Variants in ZBTB20 observed in about 807,000 individuals in gnomAD.
ZBTB20 encodes the protein zinc finger and BTB domain containing 20, also known as zinc finger and BTB domain-containing protein 20.
A neutral mutation model predicts 56.9 loss-of-function variants in ZBTB20; 9 were observed. The observed-to-expected ratio is 0.16, with a 90% CI of 0.10 to 0.28. The LOEUF is 0.28. Among genes scored for constraint, ZBTB20 ranks in the 10% least tolerant of loss-of-function variants. The probability of loss-of-function intolerance (pLI) is 1.00; values close to 1 mark genes in which losing one functional copy is unlikely to be tolerated. For synonymous variants in ZBTB20, 417 were observed against 420.7 expected, an observed-to-expected ratio of 0.99 and a Z score of 0.11; for missense variants, 655 against 1,003.0, an observed-to-expected ratio of 0.65 and a Z score of 4.69.
chr3:115,096,794 T>C (rs913990869), intron 1 of ZBTB20, among the ~76,000 whole-genome samples: 3 of 152,238 alleles, frequency 2.0e-5, no homozygotes, highest in African/African-American at 4.8e-5. Flanking sequence ...CCAGAACATG[T>C]GTAGATAATC....
intron 5 of ZBTB20, among the ~76,000 whole-genome samples, chr3:114,790,807 T>A (rs1349820629): frequency 6.6e-6 from 1 of 151,734 alleles, no homozygotes; most frequent in Non-Finnish European, 1.5e-5. Flanking sequence ...GAGAAACTTC[T>A]CAGAGAATTT....
intron 6 of ZBTB20, among the ~76,000 whole-genome samples, chr3:114,684,121 TA>T (rs2062169895): frequency 6.6e-6 from 1 of 152,222 alleles, no homozygotes; most frequent in Non-Finnish European, 1.5e-5. Flanking sequence ...ATGTTGTTAA[TA>T]GGCTTAACTG....
intron 5 of ZBTB20, among the ~76,000 whole-genome samples, chr3:114,743,201 A>G (rs2066754090): frequency 6.6e-6 from 1 of 152,166 alleles, no homozygotes. Context: ...GGAAGTATAA[A>G]GCTGGCCTTA....
intron 6 of ZBTB20, among the ~76,000 whole-genome samples, chr3:114,569,694 G>A (rs981471020): frequency 3.9e-5 from 6 of 152,098 alleles, no homozygotes; most frequent in African/African-American, 1.2e-4. Flanking sequence ...TTTTGAGTTG[G>A]CTCCTTTATG....
chr3:114,605,471 G>A (rs1438353386), intron 6 of ZBTB20, among the ~76,000 whole-genome samples: 1 of 152,162 alleles, frequency 6.6e-6, no homozygotes, highest in East Asian at 1.9e-4. Context: ...TAGGTAAGTA[G>A]GGAGTATTCA....
At chr3:114,967,770 A>G (rs2077706014) in intron 3 of ZBTB20, among the ~76,000 whole-genome samples, 1 of 152,130 alleles carries the variant, frequency 6.6e-6, no homozygotes, top group Non-Finnish European at 1.5e-5. Flanking sequence ...CAGCCTGGCC[A>G]ATGTGGTGAA....
In ZBTB20 at chr3:114,380,497, T is replaced by C. The variant is rs1458085494; in HGVS notation, c.12-93A>G. On this transcript the variant is annotated intron_variant, in intron 9 of 11. Coordinates refer to ENST00000675478, the MANE Select transcript of ZBTB20 (RefSeq NM_001348800.3). ...TGTTAAAGATAACTTGATTTTTTTT[T>C]TCTGAAGGGGGATGGGAGGGAGTCC... 9.3e-6 allele frequency: 13 copies of C among 1,403,652 alleles called. No homozygotes were observed. The Middle Eastern group carries it at 1.9e-3, about 207-fold the overall frequency. 86.9% of individuals were successfully genotyped at this position (1,403,652 alleles called of 1,614,324 possible).
chr3:114,581,964 CAATT>C (rs1025040355), intron 6 of ZBTB20: 14 of 152,070 alleles, frequency 9.2e-5, no homozygotes, highest in African/African-American at 2.4e-4. Context: ...GATTGGGAAA[CAATT>C]AAAATAATGT....
At chr3:114,735,024 C>CTTT (rs113322039) in intron 5 of ZBTB20, among the ~76,000 whole-genome samples, 1 of 144,744 alleles carries the variant, frequency 6.9e-6, no homozygotes, top group African/African-American at 2.5e-5. Flanking sequence ...GGGAATAGTT[C>CTTT]TTTTTTTTTT....
chr3:114,648,642 A>G (rs537089258), intron 6 of ZBTB20, among the ~76,000 whole-genome samples: 9 of 152,230 alleles, frequency 5.9e-5, no homozygotes, highest in African/African-American at 1.9e-4. Flanking sequence ...CTAGAAGAAT[A>G]AGAGTATAAC....
At chr3:114,419,132 ATGT>A (rs750462200) in intron 7 of ZBTB20, 1 of 152,136 alleles carries the variant, frequency 6.6e-6, no homozygotes, top group African/African-American at 2.4e-5. Context: ...CCATTGTGTA[ATGT>A]TGTCCTCACA....
intron 6 of ZBTB20, among the ~76,000 whole-genome samples, chr3:114,514,622 T>C (rs1455265312): frequency 6.6e-6 from 1 of 152,140 alleles, no homozygotes; most frequent in African/African-American, 2.4e-5. Context: ...CAATAGTAAG[T>C]AATGGGGAAT....
At chr3:115,082,059 T>A (rs985046612) in intron 1 of ZBTB20, among the ~76,000 whole-genome samples, 2 of 152,326 alleles carry the variant, frequency 1.3e-5, no homozygotes, top group Non-Finnish European at 2.9e-5. Flanking sequence ...GCAAAAGACA[T>A]CACAGCCTTG....
rs566614147 is a variant in ZBTB20, at chr3:114,367,622, G to A, written c.199+12595C>T. Among the ~76,000 whole-genome samples, 5 of 152,304 alleles carry A rather than the reference G, an allele frequency of 3.3e-5. No individual in the cohort carries two copies. In the South Asian group the frequency reaches 1.0e-3, roughly 32 times the overall value. On this transcript the variant is annotated intron_variant, in intron 10 of 11. Transcript: ENST00000675478. ...AAAGGAACTTAACAGGTTAACACTA[G>A]AATGTAATGCTATAATATTAATAAC... is the stretch of plus-strand genomic sequence containing the variant.
rs566851518 is a variant in ZBTB20 at position 115,089,184 on chromosome 3, T to C, written c.-702-17770A>G. ...GCAAAGCAGAGTCAGAAATTGTATA[T>C]ACTACTGGTTAACTTTGCTGTGAAA... On this transcript the variant is annotated intron_variant, in intron 1 of 11. Coordinates refer to ENST00000675478, the MANE Select transcript of ZBTB20 (RefSeq NM_001348800.3). 2.0e-5 allele frequency among the ~76,000 whole-genome samples: 3 copies of C among 151,948 alleles called. No homozygotes were observed. In the South Asian group the frequency reaches 6.2e-4, roughly 31 times the overall value.
intron 7 of ZBTB20, among the ~76,000 whole-genome samples, chr3:114,472,613 C>G (rs1400745103): frequency 6.6e-6 from 1 of 151,974 alleles, no homozygotes; most frequent in Non-Finnish European, 1.5e-5. Flanking sequence ...GAGGCTGAGG[C>G]AGGAGAATTG....
rs1330179807 is a variant in ZBTB20 at position 114,323,960 on chromosome 3, A to G, written c.*15045T>C. Reference sequence around the variant, plus strand: ...GCAGTGCAGTCATATTTAGTGCAAAAAAAAGCCCTATTATAACCCAAAGCT... The same window carrying G: ...GCAGTGCAGTCATATTTAGTGCAAAGAAAAGCCCTATTATAACCCAAAGCT... On this transcript the variant is annotated 3_prime_UTR_variant, in exon 12 of 12. Transcript: ENST00000675478. 6.6e-6 allele frequency: 1 copy of G among 152,186 alleles called. No homozygotes were observed. The highest frequency in any genetic ancestry group is 2.4e-5 in the African/African-American group (1 of 41,444). The allele number at this position is 152,186 out of a possible 1,614,324, so 9.4% of individuals were successfully genotyped here.
At chr3:115,068,598 A>G (rs1368316456) in intron 2 of ZBTB20, among the ~76,000 whole-genome samples, 2 of 152,088 alleles carry the variant, frequency 1.3e-5, no homozygotes, top group Admixed American at 1.3e-4. Flanking sequence ...ATATAGAATG[A>G]TTGTATTTCT....
chr3:114,680,339 T>C (rs2061894739), intron 6 of ZBTB20, among the ~76,000 whole-genome samples: 1 of 152,202 alleles, frequency 6.6e-6, no homozygotes, highest in Non-Finnish European at 1.5e-5. Context: ...TTAACCACAG[T>C]GCCTTGCCTA....
Sources: gnomAD v4.1 joint callset for allele counts (sites outside exome capture counted in the v4.1 genomes callset) on GRCh38, gnomAD v4.1.1 for gene constraint, MANE v1.5 for transcripts, NCBI Gene and HGNC (gene_info 2026-07-23, HGNC 2026-07-21) for gene names.